Variants in DENND2B observed in about 807,000 individuals in gnomAD.
DENND2B encodes DENN domain-containing protein 2B.
A neutral mutation model predicts 116.0 loss-of-function variants in DENND2B; 32 were observed. The ratio of observed to expected loss-of-function variants is 0.28; its 90% confidence interval spans 0.21 to 0.37. DENND2B has a LOEUF of 0.37. Ranked by LOEUF, DENND2B falls within the 10% of genes least tolerant of loss-of-function variation. The pLI, the probability that DENND2B is intolerant of heterozygous loss-of-function variation, is 1.00. For missense variants in DENND2B, 1,276 were observed against 1,477.7 expected, an observed-to-expected ratio of 0.86 and a Z score of 2.24; for synonymous variants, 588 against 583.9, an observed-to-expected ratio of 1.01 and a Z score of -0.10.
At chr11:8,775,908 T>C (rs1272794132) in intron 1 of DENND2B, among the ~76,000 whole-genome samples, 1 of 152,108 alleles carries the variant, frequency 6.6e-6, no homozygotes, top group East Asian at 1.9e-4. Context: ...CTACCTCCAG[T>C]CCTCTCTGCT....
At chr11:8,771,298 G>C (rs1349062277) in intron 1 of DENND2B, among the ~76,000 whole-genome samples, 1 of 151,990 alleles carries the variant, frequency 6.6e-6, no homozygotes, top group African/African-American at 2.4e-5. Flanking sequence ...GACATTCCAC[G>C]CTATGGGGAA....
intron 3 of DENND2B, among the ~76,000 whole-genome samples, chr11:8,850,266 T>A (rs1332267444): frequency 3.9e-5 from 6 of 152,086 alleles, no homozygotes; most frequent in African/African-American, 1.4e-4. Context: ...ATTTTAAAAG[T>A]TGGTAAAATG....
intron 1 of DENND2B, among the ~76,000 whole-genome samples, chr11:8,889,080 T>C (rs2063994566): frequency 6.6e-6 from 1 of 152,206 alleles, no homozygotes; most frequent in Non-Finnish European, 1.5e-5. Context: ...ACCATGGGTA[T>C]ATACCCAAAA....
At chr11:8,703,701 G>A (rs2042107030) in intron 13 of DENND2B, 1 of 152,222 alleles carries the variant, frequency 6.6e-6, no homozygotes, top group African/African-American at 2.4e-5. Flanking sequence ...CATCTCATTT[G>A]TTCCTCAGAG....
chr11:8,874,382 A>G (rs2063821689), upstream of DENND2B, among the ~76,000 whole-genome samples: 1 of 152,246 alleles, frequency 6.6e-6, no homozygotes, highest in Admixed American at 6.5e-5. Flanking sequence ...ATATACCAAA[A>G]TAGAACTTGA....
At chr11:8,824,973 A>G (rs1310707349) in intron 4 of DENND2B, among the ~76,000 whole-genome samples, 3 of 151,228 alleles carry the variant, frequency 2.0e-5, no homozygotes, top group Non-Finnish European at 4.4e-5. Context: ...TGCTGGAATT[A>G]CAGGCATGAG....
intron 6 of DENND2B, 156 bp downstream of exon 6, chr11:8,715,447 G>A (rs2044564842): frequency 7.4e-6 from 5 of 675,678 alleles, no homozygotes; most frequent in Non-Finnish European, 1.2e-5. Context: ...TTAATCAGAT[G>A]AAAAAGAGGC....
At chr11:8,720,380 T>C (rs994082465) in intron 4 of DENND2B, among the ~76,000 whole-genome samples, 5 of 152,090 alleles carry the variant, frequency 3.3e-5, no homozygotes, top group Non-Finnish European at 5.9e-5. Flanking sequence ...AGGGAAGTAA[T>C]AGATGTACAA....
At chr11:8,853,753 A>G (rs1224810272) in intron 3 of DENND2B, among the ~76,000 whole-genome samples, 2 of 152,336 alleles carry the variant, frequency 1.3e-5, no homozygotes, top group African/African-American at 4.8e-5. Flanking sequence ...ATGCGTAGAG[A>G]AAGACCTAGA....
chr11:8,707,979 GCCT>G lies in DENND2B; in HGVS notation c.2353-128_2353-126del. 1.3e-6 allele frequency: 2 copies of G among 1,533,282 alleles called. No homozygotes were observed. The highest frequency in any genetic ancestry group is 1.7e-6 in the Non-Finnish European group (2 of 1,144,792). 95.0% of individuals were successfully genotyped at this position (1,533,282 alleles called of 1,614,324 possible). A position where few individuals can be genotyped will look rare whatever the true frequency, so the allele number is the denominator to read the frequency against. On this transcript the variant is annotated intron_variant, in intron 11 of 19. Coordinates refer to ENST00000313726, the MANE Select transcript of DENND2B (RefSeq NM_213618.2). This position sits in a 1 kb window ranked among gnomAD's most constrained non-coding sequence, Gnocchi z 4.8. ...CCCTTCTAGTGGAGGAAGACTTTAA[GCCT>G]CCTCTAAACCTCTCTGCAACCAGAG...
intron 17 of DENND2B, among the ~76,000 whole-genome samples, chr11:8,697,193 C>T (rs1315483538): frequency 1.3e-5 from 2 of 152,242 alleles, no homozygotes; most frequent in African/African-American, 4.8e-5. Flanking sequence ...GAAACCAGAG[C>T]ACCACTTTCA....
chr11:8,823,903 C>CTT (rs71059183), intron 4 of DENND2B, among the ~76,000 whole-genome samples: 5 of 123,054 alleles, frequency 4.1e-5, no homozygotes, highest in African/African-American at 1.2e-4. Context: ...TCTTCTTCTT[C>CTT]TTTTTTTTTT....
chr11:8,742,104 T>G (rs1378651155), intron 2 of DENND2B, among the ~76,000 whole-genome samples: 1 of 152,190 alleles, frequency 6.6e-6, no homozygotes, highest in African/African-American at 2.4e-5. Context: ...CTTGCTATGT[T>G]GCCCAGCCTG....
rs543294510 is a variant in DENND2B, at chr11:8,774,156, A to C, written c.-25-23431T>G. Reference sequence around the variant, plus strand: ...AAGTGCTTTCTTTCTGGGCAGCAGCAGTTTCTCTGCTCAGTCAGCCTTCAC... The same window carrying C: ...AAGTGCTTTCTTTCTGGGCAGCAGCCGTTTCTCTGCTCAGTCAGCCTTCAC... On this transcript the variant is annotated intron_variant, in intron 1 of 19. Coordinates refer to ENST00000313726, the MANE Select transcript of DENND2B (RefSeq NM_213618.2). The C allele has an allele frequency of 9.1e-6, 9 of 985,502 alleles. No homozygotes were observed. The African/African-American group carries it at 1.6e-4, about 17-fold the overall frequency. The allele number at this position is 985,502 out of a possible 1,614,324, so 61.0% of individuals were successfully genotyped here.
chr11:8,878,215 G>A (rs935157427), intron 2 of DENND2B, among the ~76,000 whole-genome samples: 18 of 152,138 alleles, frequency 1.2e-4, no homozygotes, highest in Admixed American at 7.9e-4. Context: ...AATCAGTTTG[G>A]TGGTTCCTCA....
intron 3 of DENND2B, among the ~76,000 whole-genome samples, chr11:8,726,579 C>T (rs906303044): frequency 2.6e-5 from 4 of 152,318 alleles, no homozygotes; most frequent in Middle Eastern, 3.4e-3. Context: ...GTGACAGAGG[C>T]ATGATTCTCC....
At chr11:8,698,181 T>A (rs1401744987) in intron 16 of DENND2B, among the ~76,000 whole-genome samples, 1 of 128,608 alleles carries the variant, frequency 7.8e-6, no homozygotes, top group Non-Finnish European at 1.6e-5. Context: ...GTAGAGCCAG[T>A]GTGGCATTCA....
chr11:8,759,441 T>C (rs774541567), intron 1 of DENND2B, among the ~76,000 whole-genome samples: 1 of 152,160 alleles, frequency 6.6e-6, no homozygotes, highest in Non-Finnish European at 1.5e-5. Context: ...CTCTGCTTTA[T>C]AGCCGAGGTA....
At chr11:8,901,229 C>CTTTTTTTT (rs1555223231) in intron 1 of DENND2B, among the ~76,000 whole-genome samples, 19 of 83,916 alleles carry the variant, frequency 2.3e-4, no homozygotes, top group South Asian at 3.8e-4. Flanking sequence ...CTTTTCTTTT[C>CTTTTTTTT]TTTTTTTTTT....
Sources: allele counts gnomAD v4.1 joint callset (sites outside exome capture counted in the v4.1 genomes callset), GRCh38; gene constraint gnomAD v4.1.1; non-coding constraint Gnocchi (gnomAD v3.1); transcripts MANE v1.5; gene names NCBI Gene and HGNC (gene_info 2026-07-23, HGNC 2026-07-21).